PPP3CA: variants seen among roughly 807,000 people sequenced by gnomAD.
PPP3CA encodes the protein protein phosphatase 3 catalytic subunit alpha.
A neutral mutation model predicts 66.5 loss-of-function variants in PPP3CA; 14 were observed. That is an observed-to-expected ratio of 0.21 (90% CI 0.14 to 0.33). The LOEUF (loss-of-function observed/expected upper bound fraction) is 0.33, where lower values mean the gene tolerates loss of function less well. Ranked by LOEUF, PPP3CA falls within the 10% of genes least tolerant of loss-of-function variation. PPP3CA has a pLI of 1.00. For missense variants in PPP3CA, 317 were observed against 639.5 expected (o/e 0.50, Z 5.44); for synonymous variants, 232 against 226.2 (o/e 1.03, Z -0.23).
chr4:101,291,214 A>G (rs1728013279), intron 1 of PPP3CA, among the ~76,000 whole-genome samples: 1 of 152,188 alleles, frequency 6.6e-6, no homozygotes, highest in Admixed American at 6.5e-5. Context: ...GGGTCAAAAT[A>G]ATTTCCTGCT....
chr4:101,188,540 G>A (rs1024159990), intron 2 of PPP3CA, among the ~76,000 whole-genome samples: 3 of 151,964 alleles, frequency 2.0e-5, no homozygotes, highest in South Asian at 2.1e-4. Flanking sequence ...TGATGAACGC[G>A]ATCTAAAAAT....
intron 1 of PPP3CA, among the ~76,000 whole-genome samples, chr4:101,266,889 C>T (rs546965531): frequency 6.6e-6 from 1 of 152,192 alleles, no homozygotes; most frequent in Non-Finnish European, 1.5e-5. Context: ...CTGATACTGT[C>T]CTCTCTCATA....
intron 1 of PPP3CA, among the ~76,000 whole-genome samples, chr4:101,228,968 T>C (rs1056403886): frequency 6.6e-6 from 1 of 151,682 alleles, no homozygotes; most frequent in African/African-American, 2.4e-5. Context: ...TCATTTTTGA[T>C]TGGACAACCA....
chr4:101,302,934 G>A (rs1320118469), intron 1 of PPP3CA, among the ~76,000 whole-genome samples: 1 of 152,152 alleles, frequency 6.6e-6, no homozygotes, highest in African/African-American at 2.4e-5. Context: ...AAACTTTAAG[G>A]TTGAATGTAT....
In PPP3CA at chr4:101,217,706, C is replaced by A. The variant is rs77862483; in HGVS notation, c.59-21590G>T. On this transcript the variant is annotated intron_variant, in intron 1 of 13. Coordinates refer to ENST00000394854, the MANE Select transcript of PPP3CA (RefSeq NM_000944.5). ...TCACATATTTATCTCTCATATATAG[C>A]CATTTCTTCTGTTGCACAAATCCCA... is the stretch of plus-strand genomic sequence containing the variant. Among the ~76,000 whole-genome samples, 1,198 of 152,202 alleles carry A rather than the reference C, an allele frequency of 7.9e-3. 15 individuals carry two copies. The highest frequency in any genetic ancestry group is 0.028 in the African/African-American group (1,146 of 41,560).
chr4:101,171,549 T>G (rs1357704058), intron 2 of PPP3CA, among the ~76,000 whole-genome samples: 1 of 152,116 alleles, frequency 6.6e-6, no homozygotes. Flanking sequence ...CTTCTAAAAC[T>G]ATTATTATCC....
chr4:101,306,317 A>C (rs913925960), intron 1 of PPP3CA, among the ~76,000 whole-genome samples: 1 of 151,802 alleles, frequency 6.6e-6, no homozygotes, highest in Non-Finnish European at 1.5e-5. Flanking sequence ...ACCCCTACTC[A>C]CTCTTGAATC....
intron 1 of PPP3CA, among the ~76,000 whole-genome samples, chr4:101,221,747 A>G (rs1435852784): frequency 6.6e-6 from 1 of 151,586 alleles, no homozygotes. Flanking sequence ...ATATATAATC[A>G]TATTTACAAC....
At chr4:101,097,695 T>G (rs1321149408) in intron 5 of PPP3CA, among the ~76,000 whole-genome samples, 1 of 152,146 alleles carries the variant, frequency 6.6e-6, no homozygotes, top group African/African-American at 2.4e-5. Context: ...GTCTATCTAT[T>G]GTACTACATA....
chr4:101,195,806 T>C, intron 2 of PPP3CA, 110 bp downstream of exon 2: 1 of 854,230 alleles, frequency 1.2e-6, no homozygotes, highest in Non-Finnish European at 1.8e-6. Flanking sequence ...CAGTAAAAGA[T>C]TATGATGGGT....
chr4:101,284,188 G>A (rs1168155417), intron 1 of PPP3CA, among the ~76,000 whole-genome samples: 2 of 152,066 alleles, frequency 1.3e-5, no homozygotes, highest in Admixed American at 6.6e-5. Flanking sequence ...GTTATTGTTT[G>A]CTTTATATTT....
Position 101,187,719 on chromosome 4 carries a change from C to CT in PPP3CA, c.259+8196dup, listed in dbSNP as rs1468790141. Among the ~76,000 whole-genome samples, 3 of 152,128 alleles carry CT rather than the reference C, an allele frequency of 2.0e-5. No homozygotes were observed. The East Asian group carries it at 5.8e-4, about 29-fold the overall frequency. ...AATGGTATCCAAATATCCACTCAAA[C>CT]TTTACCTTTTAAAATTAAATGAAAA... On this transcript the variant is annotated intron_variant, in intron 2 of 13. Coordinates refer to ENST00000394854, the MANE Select transcript of PPP3CA (RefSeq NM_000944.5).
intron 1 of PPP3CA, among the ~76,000 whole-genome samples, chr4:101,245,023 T>C (rs1726433359): frequency 6.6e-6 from 1 of 152,202 alleles, no homozygotes; most frequent in Non-Finnish European, 1.5e-5. Context: ...AGCCCGAGTA[T>C]ATTTCAAAGA....
At chr4:101,072,115 T>C (rs1386394527) in intron 8 of PPP3CA, among the ~76,000 whole-genome samples, 1 of 152,236 alleles carries the variant, frequency 6.6e-6, no homozygotes, top group Non-Finnish European at 1.5e-5. Context: ...CTTTAGGGAA[T>C]ACATTTTAAA....
chr4:101,277,174 T>C (rs1189693635), intron 1 of PPP3CA, among the ~76,000 whole-genome samples: 2 of 152,194 alleles, frequency 1.3e-5, no homozygotes, highest in Non-Finnish European at 2.9e-5. Context: ...CTTTTCAAAT[T>C]CACTTCTTTC....
intron 1 of PPP3CA, among the ~76,000 whole-genome samples, chr4:101,205,624 C>A (rs1725107491): frequency 6.6e-6 from 1 of 152,090 alleles, no homozygotes; most frequent in South Asian, 2.1e-4. Flanking sequence ...CTTCATTCAA[C>A]TCTATGGGCC....
At chr4:101,309,269 G>C (rs1728643598) in intron 1 of PPP3CA, among the ~76,000 whole-genome samples, 2 of 152,076 alleles carry the variant, frequency 1.3e-5, no homozygotes, top group African/African-American at 4.8e-5. Flanking sequence ...TACACATCAG[G>C]TATTATCTTG....
At chr4:101,210,917 A>G (rs569819801) in intron 1 of PPP3CA, among the ~76,000 whole-genome samples, 1 of 152,300 alleles carries the variant, frequency 6.6e-6, no homozygotes, top group Non-Finnish European at 1.5e-5. Context: ...TAGTTGAAGA[A>G]ACAGGCTCAA....
At chr4:101,075,835 T>G (rs1344663297) in intron 8 of PPP3CA, among the ~76,000 whole-genome samples, 1 of 152,198 alleles carries the variant, frequency 6.6e-6, no homozygotes, top group African/African-American at 2.4e-5. Flanking sequence ...TCCAAATACA[T>G]ATAAATAATC....
Sources: gnomAD v4.1 joint callset for allele counts (sites outside exome capture counted in the v4.1 genomes callset) on GRCh38, gnomAD v4.1.1 for gene constraint, MANE v1.5 for transcripts, NCBI Gene and HGNC (gene_info 2026-07-23, HGNC 2026-07-21) for gene names.